EYS: variants seen among roughly 807,000 people sequenced by gnomAD.
The protein encoded by EYS is EGF-like photoreceptor maintenance factor, also known as protein eyes shut homolog.
Under a neutral mutation model 282.1 loss-of-function variants are expected in EYS, and 250 were observed. The observed-to-expected ratio is 0.89, with a 90% confidence interval of 0.80 to 0.98. The LOEUF is 0.98. Ranked by LOEUF, EYS falls within the 50% of genes least tolerant of loss-of-function variation. The probability of loss-of-function intolerance (pLI) is 0.00; values close to 1 mark genes in which losing one functional copy is unlikely to be tolerated. For missense variants in EYS, 4,016 were observed against 3,709.0 expected, an observed-to-expected ratio of 1.08 and a Z score of -2.15; for synonymous variants, 1,355 against 1,282.9, an observed-to-expected ratio of 1.06 and a Z score of -1.20.
chr6:64,090,526 A>AT (rs1287838641), intron 31 of EYS, among the ~76,000 whole-genome samples: 18 of 151,908 alleles, frequency 1.2e-4, no homozygotes, highest in East Asian at 7.7e-4. Context: ...TGCATAGTCC[A>AT]TTTTTTTTGT....
intron 40 of EYS, among the ~76,000 whole-genome samples, chr6:63,764,526 G>C (rs1172662208): frequency 1.3e-5 from 2 of 151,556 alleles, no homozygotes; most frequent in Non-Finnish European, 2.9e-5. Flanking sequence ...TGACGATTGC[G>C]CCATCTAGTG....
chr6:64,796,784 T>A (rs145939946), intron 22 of EYS, among the ~76,000 whole-genome samples: 1 of 152,268 alleles, frequency 6.6e-6, no homozygotes, highest in Non-Finnish European at 1.5e-5. Context: ...TTCTTTTGCA[T>A]ATCCTAGACA....
intron 15 of EYS, among the ~76,000 whole-genome samples, chr6:64,942,527 C>T (rs1056657708): frequency 6.8e-6 from 1 of 147,628 alleles, no homozygotes; most frequent in East Asian, 2.0e-4. Flanking sequence ...TCAGAGATGA[C>T]AAAGGTGACA....
intron 31 of EYS, among the ~76,000 whole-genome samples, chr6:64,151,553 G>T (rs1200119048): frequency 1.3e-4 from 20 of 150,852 alleles, no homozygotes; most frequent in Admixed American, 1.1e-3. Flanking sequence ...GTAGAGACGG[G>T]GTTTCACCAT....
At chr6:65,060,960 C>A (rs1773558339) in intron 12 of EYS, among the ~76,000 whole-genome samples, 1 of 151,548 alleles carries the variant, frequency 6.6e-6, no homozygotes. Context: ...AGAAAAATGC[C>A]AATGATACTG....
At chr6:65,319,204 C>CAAAAAAAAAAA (rs55687610) in intron 11 of EYS, among the ~76,000 whole-genome samples, 96 of 44,334 alleles carry the variant, frequency 2.2e-3, no homozygotes, top group Non-Finnish European at 2.4e-3. Flanking sequence ...ACTAAAAATG[C>CAAAAAAAAAAA]AAAAAAAAAA....
intron 2 of EYS, among the ~76,000 whole-genome samples, chr6:65,497,157 A>T (rs928443465): frequency 4.6e-5 from 7 of 152,084 alleles, no homozygotes; most frequent in African/African-American, 1.4e-4. Context: ...AATAATTCAA[A>T]CAAGTAAATT....
At chr6:63,980,324 A>G (rs1465315492) in intron 35 of EYS, among the ~76,000 whole-genome samples, 1 of 151,786 alleles carries the variant, frequency 6.6e-6, no homozygotes, top group Non-Finnish European at 1.5e-5. Flanking sequence ...ATACTCCATT[A>G]GGAAGCATTC....
chr6:63,731,381 G>C (rs374357921), intron 41 of EYS, among the ~76,000 whole-genome samples: 1 of 151,952 alleles, frequency 6.6e-6, no homozygotes, highest in Non-Finnish European at 1.5e-5. Context: ...TTTTAAATTC[G>C]ATTTGCAATT....
rs557785418 is a variant in EYS at position 64,382,471 on chromosome 6, T to G, written c.6078+6219A>C. Among the ~76,000 whole-genome samples, 4 of 152,290 alleles carry G rather than the reference T, an allele frequency of 2.6e-5. No individual in the cohort carries two copies. In the East Asian group the frequency reaches 7.7e-4, roughly 29 times the overall value. ...TCTTAATGATGACCCTCACCTCCAT[T>G]TAGTTGCTTAATCCAGAAGTCTGAG... On this transcript the variant is annotated intron_variant, in intron 29 of 42. Coordinates refer to ENST00000503581, the MANE Select transcript of EYS (RefSeq NM_001142800.2).
chr6:64,803,829 G>A (rs1764340077), intron 22 of EYS, among the ~76,000 whole-genome samples: 2 of 152,238 alleles, frequency 1.3e-5, no homozygotes, highest in Admixed American at 1.3e-4. Context: ...CAAAATTGGA[G>A]CAGGTGCCAG....
intron 33 of EYS, among the ~76,000 whole-genome samples, chr6:64,001,215 G>A (rs1768080756): frequency 6.6e-6 from 1 of 152,152 alleles, no homozygotes; most frequent in African/African-American, 2.4e-5. Flanking sequence ...GCTCATAAAT[G>A]GTTAGTGAGA....
At chr6:64,595,144 A>G (rs775649912) in intron 24 of EYS, among the ~76,000 whole-genome samples, 4 of 152,244 alleles carry the variant, frequency 2.6e-5, no homozygotes, top group South Asian at 2.1e-4. Flanking sequence ...CAACATATGT[A>G]AATCAATAAA....
intron 15 of EYS, among the ~76,000 whole-genome samples, chr6:64,925,198 A>C (rs1320133711): frequency 1.2e-4 from 18 of 152,208 alleles, no homozygotes. Flanking sequence ...AAGAAGCAAA[A>C]GCGAAAACCC....
At chr6:65,295,661 C>A in intron 12 of EYS, 1 of 574,210 alleles carries the variant, frequency 1.7e-6, no homozygotes, top group Non-Finnish European at 3.0e-6. Flanking sequence ...ATGAGCAAGG[C>A]TGTGTAGTCA....
intron 1 of EYS, among the ~76,000 whole-genome samples, chr6:65,652,724 T>G (rs539010665): frequency 1.3e-5 from 2 of 152,010 alleles, no homozygotes; most frequent in South Asian, 2.1e-4. Flanking sequence ...TACAGTAAAA[T>G]TTTGAGCTGA....
chr6:64,877,966 C>T (rs1424169375), intron 19 of EYS, among the ~76,000 whole-genome samples: 1 of 152,160 alleles, frequency 6.6e-6, no homozygotes, highest in Non-Finnish European at 1.5e-5. Flanking sequence ...GGTGCAGTGG[C>T]TCATGCCTGT....
intron 12 of EYS, among the ~76,000 whole-genome samples, chr6:65,094,114 A>G (rs1446730627): frequency 1.3e-5 from 2 of 151,618 alleles, no homozygotes; most frequent in African/African-American, 2.4e-5. Context: ...TAACTTTCAC[A>G]GGAAACAAAG....
intron 29 of EYS, among the ~76,000 whole-genome samples, chr6:64,359,327 T>G (rs1160591948): frequency 1.3e-5 from 2 of 151,752 alleles, no homozygotes; most frequent in Non-Finnish European, 2.9e-5. Context: ...AATCAATGTT[T>G]GGGAACCATT....
Sources: gnomAD v4.1 joint callset for allele counts (sites outside exome capture counted in the v4.1 genomes callset) on GRCh38, gnomAD v4.1.1 for gene constraint, MANE v1.5 for transcripts, NCBI Gene and HGNC (gene_info 2026-07-23, HGNC 2026-07-21) for gene names.